Variants in MAPKAPK2 observed in about 807,000 individuals in gnomAD.
The protein encoded by MAPKAPK2 is MAPK activated protein kinase 2.
Under a neutral mutation model 48.8 loss-of-function variants are expected in MAPKAPK2, and 9 were observed. The ratio of observed to expected loss-of-function variants is 0.18; its 90% CI spans 0.11 to 0.32. The LOEUF is 0.32. MAPKAPK2 is among the 10% of genes least tolerant of loss of function. The probability of loss-of-function intolerance (pLI) is 1.00; values close to 1 mark genes in which losing one functional copy is unlikely to be tolerated. For missense variants in MAPKAPK2, 331 were observed against 498.3 expected (o/e 0.66, Z 3.20); for synonymous variants, 202 against 190.6 (o/e 1.06, Z -0.49).
chr1:206,729,107 G>T lies in MAPKAPK2; in HGVS notation c.484+8G>T. 1 of 1,614,110 alleles carries T rather than the reference G, an allele frequency of 6.2e-7. No individual in the cohort carries two copies. The highest frequency in any genetic ancestry group is 8.5e-7 in the Non-Finnish European group (1 of 1,179,974). On this transcript the variant is annotated splice_region_variant and intron_variant, in intron 3 of 9. Transcript: ENST00000367103. ...AGGCATTCACAGAAAGAGGTAGAAA[G>T]GGTCTGTTGTGGGAGCACGTGCAGG... is the stretch of plus-strand genomic sequence containing the variant.
chr1:206,712,810 A>T lies in MAPKAPK2; in HGVS notation c.280-15900A>T, dbSNP rs147996759. Among the ~76,000 whole-genome samples the T allele has an allele frequency of 1.9e-3, 295 of 152,146 alleles. 1 individual carries two copies. Among genetic ancestry groups the T allele is most frequent in the African/African-American group, 6.8e-3 (282 of 41,502 alleles). On this transcript the variant is annotated intron_variant, in intron 1 of 9. Coordinates refer to ENST00000367103, the MANE Select transcript of MAPKAPK2 (RefSeq NM_032960.4). The stretch of plus-strand genomic sequence containing the variant: ...GTGAAACCCCATCTGTACTAAAAAT[A>T]TAAAAATTTGCTGAGTGTGGTGGTG...
At chr1:206,718,258 G>T (rs543206730) in intron 1 of MAPKAPK2, among the ~76,000 whole-genome samples, 1 of 152,188 alleles carries the variant, frequency 6.6e-6, no homozygotes, top group Non-Finnish European at 1.5e-5. Flanking sequence ...TTGCCCGGGC[G>T]CTGTGGCTTA....
chr1:206,695,318 G>T (rs1052498558), intron 1 of MAPKAPK2, among the ~76,000 whole-genome samples: 1 of 152,094 alleles, frequency 6.6e-6, no homozygotes, highest in Non-Finnish European at 1.5e-5. Context: ...ATTCTTCGGC[G>T]TGCAGTGGGG....
intron 1 of MAPKAPK2, among the ~76,000 whole-genome samples, chr1:206,686,249 G>A (rs1553425597): frequency 6.6e-6 from 1 of 152,244 alleles, no homozygotes; most frequent in Non-Finnish European, 1.5e-5. Context: ...ACCCGCGGCC[G>A]GGCCCGTGCT....
At chr1:206,729,270 GGGGT>G in intron 3 of MAPKAPK2, 122 bp from the exon 4 acceptor site, 1 of 1,088,290 alleles carries the variant, frequency 9.2e-7, no homozygotes, top group Non-Finnish European at 1.4e-6. Context: ...CTTTGTTTCT[GGGGT>G]GGGTGGTGGC....
chr1:206,722,878 G>T (rs551287198), intron 1 of MAPKAPK2, among the ~76,000 whole-genome samples: 2 of 152,334 alleles, frequency 1.3e-5, no homozygotes, highest in South Asian at 4.1e-4. Context: ...CAGCAGAGGC[G>T]CCGGTGGTCC....
intron 1 of MAPKAPK2, among the ~76,000 whole-genome samples, chr1:206,703,374 T>C (rs1672856521): frequency 6.6e-6 from 1 of 152,176 alleles, no homozygotes. Flanking sequence ...TCTCTAGCCT[T>C]GAGAAGAGTT....
rs1406603302 is a variant in MAPKAPK2, at chr1:206,693,272, A to G, written c.279+7764A>G. On this transcript the variant is annotated intron_variant, in intron 1 of 9. Transcript: ENST00000367103. ...TGCCACTGCTGCAGTCTCCCCTCACAGCCAGGCCCTGTTAGCTGTCCCAGT... is the reference window on the plus strand; with the variant it reads ...TGCCACTGCTGCAGTCTCCCCTCACGGCCAGGCCCTGTTAGCTGTCCCAGT... Among the ~76,000 whole-genome samples the G allele has an allele frequency of 3.3e-5, 5 of 152,210 alleles. No homozygotes were observed. The East Asian group carries it at 9.7e-4, about 29-fold the overall frequency.
At position 206,730,058 on chromosome 1, in the gene MAPKAPK2, C is replaced by T. The variant is rs1558589022; in HGVS notation, c.651C>T (p.His217=). The T allele has an allele frequency of 6.2e-7, 1 of 1,614,282 alleles. No homozygotes were observed. Among genetic ancestry groups the T allele is most frequent in the East Asian group, 2.2e-5 (1 of 44,892 alleles). ...DFGFAKETTS[H]NSLTTPCYTP... ...GCTTTGCCAAGGAAACCACCAGCCA[C>T]AACTCTTTGACCACTCCTTGTTATA... is the stretch of plus-strand genomic sequence containing the variant. Residue 217 remains histidine, a synonymous_variant, in exon 5 of 10, where the codon CAC becomes CAT. Transcript: ENST00000367103.
In MAPKAPK2 at chr1:206,732,635, A is replaced by G. The variant is rs1553432914; in HGVS notation, c.1120A>G (p.Lys374Glu). The change falls in exon 10 of 10, where the codon AAG becomes GAG. Residue 374 changes from lysine to glutamate, a missense_variant. By Grantham distance (56) the Lys-to-Glu change is moderately conservative. Coordinates refer to ENST00000367103, the MANE Select transcript of MAPKAPK2 (RefSeq NM_032960.4). The surrounding 1 kb of genome is among the most constrained non-coding windows in gnomAD (Gnocchi z 4.4). The part of the protein sequence containing the change: ...RVDYEQIKIK[K>E]IEDASNPLLL... ...TGACTACGAGCAGATCAAGATAAAA[A>G]AGATTGAAGATGCATCCAACCCTCT... The G allele has an allele frequency of 6.2e-7, 1 of 1,614,218 alleles. No individual in the cohort carries two copies. The highest frequency in any genetic ancestry group is 8.5e-7 in the Non-Finnish European group (1 of 1,180,042).
chr1:206,729,829 C>T, intron 4 of MAPKAPK2, 143 bp from the exon 5 acceptor site: 1 of 996,430 alleles, frequency 1.0e-6, no homozygotes, highest in Non-Finnish European at 1.5e-6. Flanking sequence ...TAGAGAGCTG[C>T]CACTCCTCGT....
intron 1 of MAPKAPK2, among the ~76,000 whole-genome samples, chr1:206,696,884 G>A (rs1672644391): frequency 6.6e-6 from 1 of 152,224 alleles, no homozygotes; most frequent in Non-Finnish European, 1.5e-5. Flanking sequence ...ACTGGGCTGT[G>A]CTCTCTGAGA....
intron 1 of MAPKAPK2, among the ~76,000 whole-genome samples, chr1:206,686,797 C>A (rs61815607): frequency 0.032 from 4,820 of 152,212 alleles, 192 homozygotes; most frequent in South Asian, 0.21. Context: ...ATTTTAAGGC[C>A]TCTAGAATTG....
chr1:206,692,136 A>G (rs1304097296), intron 1 of MAPKAPK2, among the ~76,000 whole-genome samples: 1 of 152,206 alleles, frequency 6.6e-6, no homozygotes, highest in Non-Finnish European at 1.5e-5. Flanking sequence ...CCCTGTGCAC[A>G]GGGATCTGGT....
At chr1:206,726,673 T>C (rs971186959) in intron 1 of MAPKAPK2, among the ~76,000 whole-genome samples, 109 of 152,374 alleles carry the variant, frequency 7.2e-4, no homozygotes, top group African/African-American at 2.5e-3. Context: ...CTTTGGAGTC[T>C]ACCAGGCCTG....
chr1:206,708,124 G>T, intron 1 of MAPKAPK2, among the ~76,000 whole-genome samples: 1 of 152,218 alleles, frequency 6.6e-6, no homozygotes, highest in East Asian at 1.9e-4. Context: ...TAAAGGTCTG[G>T]GTAGCAGCCT....
chr1:206,730,725 C>G lies in MAPKAPK2; in HGVS notation c.729C>G (p.Ser243=). Residue 243 remains serine (S), a synonymous_variant, in exon 6 of 10, where the codon TCC becomes TCG. Transcript: ENST00000367103. ...EVLGPEKYDK[S]CDMWSLGVIM... is the part of the protein sequence containing the mutation. ...TGGGTCCAGAGAAGTATGACAAGTC[C>G]TGTGACATGTGGTCCCTGGGTGTCA... 1 of 1,499,984 alleles carries G rather than the reference C, an allele frequency of 6.7e-7. No individual in the cohort carries two copies. Among genetic ancestry groups the G allele is most frequent in the Non-Finnish European group, 9.0e-7 (1 of 1,108,694 alleles). The allele number at this position is 1,499,984 out of a possible 1,614,324, so 92.9% of individuals were successfully genotyped here.
chr1:206,707,466 G>C (rs2102393165), intron 1 of MAPKAPK2, among the ~76,000 whole-genome samples: 1 of 152,236 alleles, frequency 6.6e-6, no homozygotes, highest in East Asian at 1.9e-4. Flanking sequence ...CAAAGGTAGA[G>C]AAAAAAGGGG....
intron 1 of MAPKAPK2, among the ~76,000 whole-genome samples, chr1:206,686,351 C>G (rs1423761396): frequency 6.6e-6 from 1 of 152,230 alleles, no homozygotes; most frequent in Non-Finnish European, 1.5e-5. Flanking sequence ...CGGGGGAGCC[C>G]ATCCCTTTTC....
Sources: gnomAD v4.1 joint callset for allele counts (sites outside exome capture counted in the v4.1 genomes callset) on GRCh38, gnomAD v4.1.1 for gene constraint, Gnocchi (gnomAD v3.1) non-coding constraint, MANE v1.5 for transcripts, NCBI Gene and HGNC (gene_info 2026-07-23, HGNC 2026-07-21) for gene names.